The following MAP4K3 variants were observed in gnomAD, a reference collection of about 807,000 sequenced individuals.
MAP4K3 encodes the protein mitogen-activated protein kinase kinase kinase kinase 3.
A neutral mutation model predicts 143.5 loss-of-function variants in MAP4K3; 94 were observed. That is an observed-to-expected ratio of 0.65 (90% CI 0.55 to 0.78). The LOEUF is 0.78. Ranked by LOEUF, MAP4K3 falls within the 30% of genes least tolerant of loss-of-function variation. The probability of loss-of-function intolerance (pLI) is 0.00; values close to 1 mark genes in which losing one functional copy is unlikely to be tolerated. For synonymous variants in MAP4K3, 416 were observed against 347.2 expected (o/e 1.20, Z -2.20); for missense variants, 1,077 against 1,068.1 (o/e 1.01, Z -0.12).
chr2:39,254,542 A>C, intron 31 of MAP4K3, 22 bp from the exon 32 acceptor site: 1 of 1,596,130 alleles, frequency 6.3e-7, no homozygotes, highest in Non-Finnish European at 8.6e-7. Flanking sequence ...GAACAGCTCA[A>C]TTACTGTTAA....
chr2:39,424,630 T>C (rs1285158074), intron 1 of MAP4K3, among the ~76,000 whole-genome samples: 2 of 151,778 alleles, frequency 1.3e-5, no homozygotes, highest in Non-Finnish European at 2.9e-5. Context: ...AGGAGTTTGA[T>C]ACCAGCCAAG....
At chr2:39,324,744 C>G (rs1258708158) in intron 12 of MAP4K3, among the ~76,000 whole-genome samples, 1 of 152,178 alleles carries the variant, frequency 6.6e-6, no homozygotes, top group East Asian at 1.9e-4. Context: ...TGCCATGTCA[C>G]ATATACTGAA....
At chr2:39,300,438 A>G (rs1024938223) in intron 15 of MAP4K3, among the ~76,000 whole-genome samples, 1 of 152,222 alleles carries the variant, frequency 6.6e-6, no homozygotes, top group African/African-American at 2.4e-5. Flanking sequence ...ATAGAGTGTT[A>G]AGAATTAACA....
At chr2:39,434,405 G>C (rs575304796) in intron 1 of MAP4K3, among the ~76,000 whole-genome samples, 1 of 152,196 alleles carries the variant, frequency 6.6e-6, no homozygotes, top group Admixed American at 6.5e-5. Context: ...CTCTGCTTTG[G>C]TCACTGGTAT....
chr2:39,301,499 G>A (rs1325740252), intron 15 of MAP4K3, among the ~76,000 whole-genome samples: 2 of 152,102 alleles, frequency 1.3e-5, no homozygotes, highest in Non-Finnish European at 2.9e-5. Context: ...ATAGATAACT[G>A]GGCCCTCTAT....
At chr2:39,356,587 ACT>A in intron 2 of MAP4K3, among the ~76,000 whole-genome samples, 1 of 152,264 alleles carries the variant, frequency 6.6e-6, no homozygotes, top group South Asian at 2.1e-4. Flanking sequence ...TAAAATCCTA[ACT>A]CTGTTCCACA....
intron 1 of MAP4K3, chr2:39,436,566 A>G (rs1665488031): frequency 3.5e-6 from 1 of 283,114 alleles, no homozygotes; most frequent in South Asian, 4.2e-5. Flanking sequence ...CTGCCAACGC[A>G]ACAAACGCCC....
intron 24 of MAP4K3, among the ~76,000 whole-genome samples, chr2:39,274,374 G>A (rs1340961720): frequency 2.0e-5 from 3 of 151,746 alleles, no homozygotes; most frequent in South Asian, 2.1e-4. Context: ...CCGCCACCAC[G>A]CCCGGCTAAT....
At chr2:39,286,395 G>A (rs951793334) in intron 21 of MAP4K3, among the ~76,000 whole-genome samples, 1 of 152,204 alleles carries the variant, frequency 6.6e-6, no homozygotes, top group African/African-American at 2.4e-5. Context: ...CTGCGGCCCA[G>A]GGGTTAGGGA....
intron 24 of MAP4K3, 56 bp from the exon 25 acceptor site, chr2:39,272,598 T>C: frequency 3.6e-6 from 5 of 1,382,116 alleles, no homozygotes; most frequent in Middle Eastern, 2.0e-4. Flanking sequence ...GCAATGTAAA[T>C]CTGTACACAG....
chr2:39,385,440 T>C (rs973994004), intron 1 of MAP4K3, among the ~76,000 whole-genome samples: 1 of 151,640 alleles, frequency 6.6e-6, no homozygotes, highest in Non-Finnish European at 1.5e-5. Flanking sequence ...CTAATGATGC[T>C]CTTAGTCTAT....
chr2:39,398,887 T>C (rs1476933042), intron 1 of MAP4K3, among the ~76,000 whole-genome samples: 1 of 150,704 alleles, frequency 6.6e-6, no homozygotes, highest in Non-Finnish European at 1.5e-5. Context: ...TACCAAAAAA[T>C]ATGAAAATTA....
intron 3 of MAP4K3, among the ~76,000 whole-genome samples, chr2:39,352,342 A>C (rs931927241): frequency 1.3e-5 from 2 of 152,128 alleles, no homozygotes; most frequent in African/African-American, 2.4e-5. Context: ...AGCTTTATTG[A>C]GTTCAAGCTT....
intron 1 of MAP4K3, among the ~76,000 whole-genome samples, chr2:39,425,115 C>A (rs1252231970): frequency 6.6e-6 from 1 of 151,816 alleles, no homozygotes; most frequent in Non-Finnish European, 1.5e-5. Context: ...TCCCCACCAC[C>A]CCCCCAGCCC....
chr2:39,286,672 TAA>T (rs1452098500), intron 21 of MAP4K3, among the ~76,000 whole-genome samples, 178 bp downstream of exon 21: 1 of 152,230 alleles, frequency 6.6e-6, no homozygotes, highest in African/African-American at 2.4e-5. Context: ...TTACCATAGC[TAA>T]GTTACTTTTT....
intron 2 of MAP4K3, among the ~76,000 whole-genome samples, chr2:39,362,035 A>G (rs1665785607): frequency 6.6e-6 from 1 of 152,188 alleles, no homozygotes; most frequent in Non-Finnish European, 1.5e-5. Context: ...TTATGAATTA[A>G]TAACTGTATT....
At chr2:39,408,000 C>T (rs1338355046) in intron 1 of MAP4K3, among the ~76,000 whole-genome samples, 2 of 152,050 alleles carry the variant, frequency 1.3e-5, no homozygotes, top group Non-Finnish European at 2.9e-5. Flanking sequence ...ACTCCATCCA[C>T]TGTTTTGTGC....
intron 31 of MAP4K3, among the ~76,000 whole-genome samples, chr2:39,257,281 T>C (rs2148435406): frequency 6.6e-6 from 1 of 152,292 alleles, no homozygotes; most frequent in East Asian, 1.9e-4. Flanking sequence ...AATGTAGTCA[T>C]TTAAAAGTAT....
intron 26 of MAP4K3, among the ~76,000 whole-genome samples, chr2:39,269,009 A>G (rs1186879244): frequency 1.3e-5 from 2 of 152,012 alleles, no homozygotes; most frequent in East Asian, 1.9e-4. Context: ...TAATCTGCCA[A>G]AAGTGCAGCC....
Sources: allele counts gnomAD v4.1 joint callset (sites outside exome capture counted in the v4.1 genomes callset), GRCh38; gene constraint gnomAD v4.1.1; transcripts MANE v1.5; gene names NCBI Gene and HGNC (gene_info 2026-07-23, HGNC 2026-07-21).